DNMBP: variants seen among roughly 807,000 people sequenced by gnomAD.
DNMBP encodes dynamin binding protein.
In DNMBP, 87 loss-of-function variants were observed where a neutral mutation model predicts 150.0. That is an observed-to-expected ratio of 0.58 (90% CI 0.49 to 0.69). The LOEUF (loss-of-function observed/expected upper bound fraction) is 0.69. Ranked by LOEUF, DNMBP falls within the 30% of genes least tolerant of loss-of-function variation. The pLI, the probability that DNMBP is intolerant of heterozygous loss-of-function variation, is 0.00. For synonymous variants in DNMBP, 711 were observed against 750.4 expected, an observed-to-expected ratio of 0.95 and a Z score of 0.86; for missense variants, 1,774 against 1,949.0, an observed-to-expected ratio of 0.91 and a Z score of 1.69.
Position 99,936,438 on chromosome 10 carries a change from T to C in DNMBP, c.2260+18776A>G, listed in dbSNP as rs183788148. 2.6e-5 allele frequency among the ~76,000 whole-genome samples: 4 copies of C among 152,146 alleles called. No individual in the cohort carries two copies. In the East Asian group the frequency reaches 7.7e-4, roughly 29 times the overall value. ...GATAGGGACAGTTCAAGAAGGCCTC[T>C]GGAGAACATGATTGAACATTCATTG... On this transcript the variant is annotated intron_variant, in intron 4 of 16. Coordinates refer to ENST00000324109, the MANE Select transcript of DNMBP (RefSeq NM_015221.4).
At chr10:99,929,983 A>C (rs1405682686) in intron 4 of DNMBP, 2 of 702,814 alleles carry the variant, frequency 2.8e-6, no homozygotes, top group Non-Finnish European at 5.2e-6. Flanking sequence ...TCTGTATCAA[A>C]ATCACCCTGA....
In DNMBP at chr10:99,880,503, T is replaced by C. The variant is rs2039350662; in HGVS notation, c.3998-142A>G. ...AACAAAAACTCAAAAGCCAGGCCAATAGTGAGAGACACAAAATAAAATGCC... is the reference window on the plus strand; with the variant it reads ...AACAAAAACTCAAAAGCCAGGCCAACAGTGAGAGACACAAAATAAAATGCC... On this transcript the variant is annotated intron_variant, in intron 15 of 16. Transcript: ENST00000324109. 1.1e-5 allele frequency: 13 copies of C among 1,148,850 alleles called. No homozygotes were observed. The South Asian group carries it at 1.4e-4, about 12-fold the overall frequency. 71.2% of individuals were successfully genotyped at this position (1,148,850 alleles called of 1,614,324 possible). A position where few individuals can be genotyped will look rare whatever the true frequency, so the allele number is the denominator to read the frequency against.
chr10:99,957,174 A>G lies in DNMBP; in HGVS notation c.300T>C (p.Thr100=). 1 of 1,606,860 alleles carries G rather than the reference A, an allele frequency of 6.2e-7. No individual in the cohort carries two copies. Among genetic ancestry groups the G allele is most frequent in the Non-Finnish European group, 8.5e-7 (1 of 1,179,886 alleles). The change falls in exon 4 of 17, where the codon ACT becomes ACC. Residue 100 remains threonine, a synonymous_variant. Coordinates refer to ENST00000324109, the MANE Select transcript of DNMBP (RefSeq NM_015221.4). ...AGCTTCGGCCCTGCAGCCAGCCTGCAGTGGGAATGCCATCGAGAATCACCA... is the reference window on the plus strand; with the variant it reads ...AGCTTCGGCCCTGCAGCCAGCCTGCGGTGGGAATGCCATCGAGAATCACCA... ...GDLVILDGIP[T]AGWLQGRSCW...
intron 4 of DNMBP, 100 bp from the exon 5 acceptor site, chr10:99,909,246 C>T: frequency 1.1e-6 from 1 of 893,492 alleles, no homozygotes; most frequent in Non-Finnish European, 1.7e-6. Context: ...AACCAAAGGT[C>T]TCACTATTGT....
At chr10:99,911,667 GT>G (rs1194624304) in intron 4 of DNMBP, among the ~76,000 whole-genome samples, 2 of 152,110 alleles carry the variant, frequency 1.3e-5, no homozygotes, top group Non-Finnish European at 2.9e-5. Context: ...GTATACAGGA[GT>G]TTTCATTGTA....
intron 10 of DNMBP, 144 bp from the exon 11 acceptor site, chr10:99,895,194 T>C (rs1258407466): frequency 1.7e-6 from 1 of 586,568 alleles, no homozygotes; most frequent in Non-Finnish European, 3.0e-6. Flanking sequence ...TGGCATGATC[T>C]TGGCTCACTG....
At chr10:99,964,773 A>C (rs1269245222) in intron 3 of DNMBP, among the ~76,000 whole-genome samples, 1 of 151,828 alleles carries the variant, frequency 6.6e-6, no homozygotes, top group Non-Finnish European at 1.5e-5. Context: ...CGGGAGGCTA[A>C]GGCATGAATA....
chr10:99,940,948 G>A (rs1318292196), intron 4 of DNMBP, among the ~76,000 whole-genome samples: 1 of 152,002 alleles, frequency 6.6e-6, no homozygotes, highest in Non-Finnish European at 1.5e-5. Flanking sequence ...ACGGTGGCGC[G>A]ATCTTGGCTC....
intron 12 of DNMBP, among the ~76,000 whole-genome samples, chr10:99,888,101 G>A (rs2039498308): frequency 6.6e-6 from 1 of 152,132 alleles, no homozygotes; most frequent in Non-Finnish European, 1.5e-5. Flanking sequence ...GGGATTAGAG[G>A]CGTGAGCCAC....
At position 99,904,000 on chromosome 10, in the gene DNMBP, G is replaced by T. The variant is rs137915970; in HGVS notation, c.2555-3934C>A. ...CAGAACTCCTGGGCTCACATGATCT[G>T]CCCACCTTGCCTCGGCCTCCCAAAG... On this transcript the variant is annotated intron_variant, in intron 6 of 16. Coordinates refer to ENST00000324109, the MANE Select transcript of DNMBP (RefSeq NM_015221.4). 5.3e-3 allele frequency among the ~76,000 whole-genome samples: 803 copies of T among 150,804 alleles called. 22 individuals are homozygous for T. The highest frequency in any genetic ancestry group is 0.033 in the East Asian group (166 of 5,028).
intron 16 of DNMBP, among the ~76,000 whole-genome samples, chr10:99,879,462 A>C (rs2039329738): frequency 6.6e-6 from 1 of 152,234 alleles, no homozygotes; most frequent in African/African-American, 2.4e-5. Context: ...CTCCTCAAAA[A>C]AAAAATAAAG....
intron 6 of DNMBP, among the ~76,000 whole-genome samples, chr10:99,901,232 T>G (rs950821956): frequency 6.6e-6 from 1 of 152,136 alleles, no homozygotes. Context: ...CCCAGCCATA[T>G]GTACTTCTTT....
intron 4 of DNMBP, among the ~76,000 whole-genome samples, chr10:99,933,409 T>A (rs540502803): frequency 6.6e-6 from 1 of 152,384 alleles, no homozygotes; most frequent in South Asian, 2.1e-4. Flanking sequence ...TCACCTTTAC[T>A]GTGTAGAAAT....
chr10:99,892,220 G>A (rs61872213), intron 11 of DNMBP, among the ~76,000 whole-genome samples: 1 of 148,130 alleles, frequency 6.8e-6, no homozygotes, highest in Non-Finnish European at 1.5e-5. Context: ...GGAGGTGAGG[G>A]GCGCCTCTGC....
At chr10:99,945,282 T>C (rs556157086) in intron 4 of DNMBP, among the ~76,000 whole-genome samples, 3 of 152,328 alleles carry the variant, frequency 2.0e-5, no homozygotes, top group African/African-American at 7.2e-5. Flanking sequence ...ATTAAGAGTT[T>C]AAAGAAATCC....
chr10:99,996,896 C>A (rs1005155597), intron 1 of DNMBP, among the ~76,000 whole-genome samples: 1 of 152,142 alleles, frequency 6.6e-6, no homozygotes, highest in African/African-American at 2.4e-5. Context: ...AAGAAAAATA[C>A]AAGAAAACGG....
At chr10:99,954,361 C>A (rs1269896352) in intron 4 of DNMBP, among the ~76,000 whole-genome samples, 1 of 151,874 alleles carries the variant, frequency 6.6e-6, no homozygotes, top group African/African-American at 2.4e-5. Flanking sequence ...TTTATCTGAG[C>A]AGCAAATGAA....
At chr10:99,937,688 G>A (rs1276990710) in intron 4 of DNMBP, among the ~76,000 whole-genome samples, 3 of 152,114 alleles carry the variant, frequency 2.0e-5, no homozygotes, top group Admixed American at 6.6e-5. Context: ...AGTCCTGGCC[G>A]ACCAACCCTG....
chr10:99,893,759 G>A (rs1441359443), intron 11 of DNMBP, among the ~76,000 whole-genome samples: 4 of 152,040 alleles, frequency 2.6e-5, no homozygotes, highest in African/African-American at 9.7e-5. Flanking sequence ...TGTGTGTATG[G>A]CTACATCACT....
Sources: allele counts gnomAD v4.1 joint callset (sites outside exome capture counted in the v4.1 genomes callset), GRCh38; gene constraint gnomAD v4.1.1; transcripts MANE v1.5; gene names NCBI Gene and HGNC (gene_info 2026-07-23, HGNC 2026-07-21).